Variants in BICRA observed in about 807,000 individuals in gnomAD.
The protein encoded by BICRA is BRD4 interacting chromatin remodeling complex associated protein.
Under a neutral mutation model 96.9 loss-of-function variants are expected in BICRA, and 31 were observed. The ratio of observed to expected loss-of-function variants is 0.32; its 90% CI spans 0.24 to 0.43. BICRA has a LOEUF of 0.43. Among genes scored for constraint, BICRA ranks in the 20% least tolerant of loss-of-function variants. The pLI is 1.00. For synonymous variants in BICRA, 1,350 were observed against 1,071.8 expected (o/e 1.26, Z -5.07); for missense variants, 2,283 against 2,190.3 (o/e 1.04, Z -0.84).
At chr19:47,700,942 T>G (rs12980316) in intron 14 of BICRA, 43,829 of 242,684 alleles carry the variant, frequency 0.18, 4,326 homozygotes, top group Admixed American at 0.25. Flanking sequence ...TTTATTGTTT[T>G]TTTGTTTGTT....
At chr19:47,616,300 GC>G (rs1318421024) in intron 1 of BICRA, among the ~76,000 whole-genome samples, 1 of 152,166 alleles carries the variant, frequency 6.6e-6, no homozygotes, top group Non-Finnish European at 1.5e-5. Context: ...AGTTGCTATG[GC>G]CTTTCCCCCA....
At chr19:47,636,625 C>T (rs61242175) in intron 1 of BICRA, among the ~76,000 whole-genome samples, 2,899 of 152,160 alleles carry the variant, frequency 0.019, 79 homozygotes, top group African/African-American at 0.062. Context: ...CTCCTGCCTC[C>T]ACCACCTGAG....
At chr19:47,667,413 A>G (rs1026320746) in intron 1 of BICRA, among the ~76,000 whole-genome samples, 1 of 152,082 alleles carries the variant, frequency 6.6e-6, no homozygotes, top group Non-Finnish European at 1.5e-5. Flanking sequence ...CACCCTCGGG[A>G]CTGGTTTGCA....
At chr19:47,619,523 T>C (rs1780950833) in intron 1 of BICRA, among the ~76,000 whole-genome samples, 1 of 152,116 alleles carries the variant, frequency 6.6e-6, no homozygotes, top group African/African-American at 2.4e-5. Context: ...CTTCCCGAAG[T>C]GCTGGGATTA....
At position 47,682,171 on chromosome 19, in the gene BICRA, C is replaced by T; in HGVS notation, c.2283+19C>T. On this transcript the variant is annotated intron_variant, in intron 7 of 14. Coordinates refer to ENST00000594866, the MANE Select transcript of BICRA (RefSeq NM_001394372.1). Reference sequence around the variant, plus strand: ...CCCCCAGGTAGAGGGACCCCAGCAGCCTGTGTCCGCAGCACAGACCCAGCC... The same window carrying T: ...CCCCCAGGTAGAGGGACCCCAGCAGTCTGTGTCCGCAGCACAGACCCAGCC... The T allele has an allele frequency of 1.6e-6, 2 of 1,255,488 alleles. No homozygotes were observed. The highest frequency in any genetic ancestry group is 2.1e-5 in the Admixed American group (1 of 46,880). 77.8% of individuals were successfully genotyped at this position (1,255,488 alleles called of 1,614,324 possible).
chr19:47,679,419 C>A lies in BICRA; in HGVS notation c.249C>A (p.Gly83=), dbSNP rs1362323364. 9 of 1,483,516 alleles carry A rather than the reference C, an allele frequency of 6.1e-6. No homozygotes were observed. Among genetic ancestry groups the A allele is most frequent in the Non-Finnish European group, 8.1e-6 (9 of 1,114,628 alleles). 91.9% of individuals were successfully genotyped at this position (1,483,516 alleles called of 1,614,324 possible). ...DLDFLEDDIL[G]SPATGGGGGG... is the part of the protein sequence containing the mutation. Reference sequence around the variant, plus strand: ...ACTTCCTGGAAGATGACATCCTGGGCTCTCCTGCGACAGGGGGCGGCGGCG... The same window carrying A: ...ACTTCCTGGAAGATGACATCCTGGGATCTCCTGCGACAGGGGGCGGCGGCG... The change falls in exon 6 of 15, where the codon GGC becomes GGA. Residue 83 remains glycine (G), a synonymous_variant. Coordinates refer to ENST00000594866, the MANE Select transcript of BICRA (RefSeq NM_001394372.1).
In BICRA at chr19:47,619,255, T is replaced by A. The variant is rs1355798092; in HGVS notation, c.-108+10087T>A. On this transcript the variant is annotated intron_variant, in intron 1 of 14. Coordinates refer to ENST00000594866, the MANE Select transcript of BICRA (RefSeq NM_001394372.1). ...CCCCTTTTTTTTTTCCTTTTTTTTG[T>A]GTGTGTGTGTTTGAGATGGGGTCTC... Among the ~76,000 whole-genome samples the A allele has an allele frequency of 4.0e-5, 6 of 148,296 alleles. No individual in the cohort carries two copies. In the South Asian group the frequency reaches 1.3e-3, roughly 32 times the overall value.
Position 47,694,083 on chromosome 19 carries a change from G to GGC in BICRA, c.2284-32_2284-31insGC. On this transcript the variant is annotated intron_variant, in intron 7 of 14. Transcript: ENST00000594866. ...GGAGCTATGGTTGGTTCTGACCCCCGCCCCTCCCCTCTCCCTCCCTCCCCT... is the reference window on the plus strand; with the variant it reads ...GGAGCTATGGTTGGTTCTGACCCCCGGCCCCCTCCCCTCTCCCTCCCTCCCCT... The GGC allele has an allele frequency of 6.4e-6, 7 of 1,093,862 alleles. No homozygotes were observed. In the South Asian group the frequency reaches 6.6e-5, roughly 10 times the overall value. The allele number at this position is 1,093,862 out of a possible 1,614,324, so 67.8% of individuals were successfully genotyped here.
At chr19:47,630,609 A>G (rs1398953354) in intron 1 of BICRA, among the ~76,000 whole-genome samples, 2 of 152,076 alleles carry the variant, frequency 1.3e-5, no homozygotes, top group African/African-American at 2.4e-5. Context: ...TTTTGTGGCT[A>G]AGTTCATCTT....
At chr19:47,636,390 G>T (rs1026540309) in intron 1 of BICRA, among the ~76,000 whole-genome samples, 1 of 152,092 alleles carries the variant, frequency 6.6e-6, no homozygotes, top group Non-Finnish European at 1.5e-5. Context: ...AAATTTTTCT[G>T]TAGATTTGGG....
chr19:47,649,345 C>T (rs925199249), intron 1 of BICRA, among the ~76,000 whole-genome samples: 7 of 152,150 alleles, frequency 4.6e-5, no homozygotes, highest in East Asian at 1.9e-4. Context: ...GTTATATGCC[C>T]TCTGTATCTT....
At chr19:47,689,356 G>C (rs1973206431) in intron 7 of BICRA, among the ~76,000 whole-genome samples, 1 of 151,778 alleles carries the variant, frequency 6.6e-6, no homozygotes, top group South Asian at 2.1e-4. Context: ...CTCCTGCCTT[G>C]GCCTCCGAGA....
chr19:47,636,400 G>A (rs1972300841), intron 1 of BICRA, among the ~76,000 whole-genome samples: 1 of 152,140 alleles, frequency 6.6e-6, no homozygotes, highest in African/African-American at 2.4e-5. Flanking sequence ...GTAGATTTGG[G>A]ATCTTGCTTT....
At chr19:47,694,038 C>T in intron 7 of BICRA, 77 bp from the exon 8 acceptor site, 1 of 1,432,820 alleles carries the variant, frequency 7.0e-7, no homozygotes, top group Middle Eastern at 2.3e-4. Context: ...GGCTGGGGAC[C>T]CCAGTGTCTT....
At position 47,694,269 on chromosome 19, in the gene BICRA, C is replaced by A. The variant is rs1044437520; in HGVS notation, c.2438C>A (p.Pro813His). 2.5e-6 allele frequency: 2 copies of A among 787,714 alleles called. No homozygotes were observed. Among genetic ancestry groups the A allele is most frequent in the Non-Finnish European group, 2.0e-6 (1 of 504,630 alleles). The allele number at this position is 787,714 out of a possible 1,614,324, so 48.8% of individuals were successfully genotyped here. Residue 813 changes from proline to histidine, a missense_variant, in exon 8 of 15, where the codon CCT (proline) becomes CAT (histidine). Transcript: ENST00000594866. ...PPSRPQSVSR[P>H]PSEPPLHPCP... ...TCCCGGCCACAGAGTGTGTCCCGCC[C>A]TCCCTCAGAGCCACCCTTGCACCCT... is the stretch of plus-strand genomic sequence containing the variant.
At chr19:47,611,097 AGGGTCACACAGCCCT>A (rs1213396922) in intron 1 of BICRA, among the ~76,000 whole-genome samples, 1 of 152,116 alleles carries the variant, frequency 6.6e-6, no homozygotes, top group African/African-American at 2.4e-5. Flanking sequence ...AAGCTTGCCC[AGGGTCACACAGCCCT>A]GGGTCACACA....
chr19:47,644,248 C>T (rs1367567949), intron 1 of BICRA, among the ~76,000 whole-genome samples: 1 of 151,918 alleles, frequency 6.6e-6, no homozygotes, highest in African/African-American at 2.4e-5. Context: ...AAACTCTTAG[C>T]CCTTAGCCTC....
chr19:47,693,226 G>C (rs1266658065), intron 7 of BICRA, among the ~76,000 whole-genome samples: 1 of 152,254 alleles, frequency 6.6e-6, no homozygotes, highest in Non-Finnish European at 1.5e-5. Context: ...GATTCTTTGG[G>C]AGGAGGGTCC....
At chr19:47,696,037 A>G (rs1034463509) in intron 10 of BICRA, among the ~76,000 whole-genome samples, 2 of 152,110 alleles carry the variant, frequency 1.3e-5, no homozygotes, top group African/African-American at 4.8e-5. Context: ...GCTGAGGACA[A>G]GAGGGGAAGC....
Sources: allele counts gnomAD v4.1 joint callset (sites outside exome capture counted in the v4.1 genomes callset), GRCh38; gene constraint gnomAD v4.1.1; transcripts MANE v1.5; gene names NCBI Gene and HGNC (gene_info 2026-07-23, HGNC 2026-07-21).